The following MTF2 variants were observed in gnomAD, a reference collection of about 807,000 sequenced individuals.
MTF2 encodes the protein metal response element binding transcription factor 2.
Under a neutral mutation model 79.5 loss-of-function variants are expected in MTF2, and 11 were observed. The ratio of observed to expected loss-of-function variants is 0.14; its 90% CI spans 0.09 to 0.23. MTF2 has a LOEUF of 0.23. Among genes scored for constraint, MTF2 ranks in the 10% least tolerant of loss-of-function variants. The pLI is 1.00. For synonymous variants in MTF2, 208 were observed against 232.8 expected (o/e 0.89, Z 0.97); for missense variants, 486 against 711.2 (o/e 0.68, Z 3.60).
At chr1:93,088,769 G>A (rs925352679) in intron 1 of MTF2, among the ~76,000 whole-genome samples, 3 of 152,058 alleles carry the variant, frequency 2.0e-5, no homozygotes, top group Admixed American at 1.3e-4. Flanking sequence ...GTTTCACCAC[G>A]TTGGCCAGGC....
intron 1 of MTF2, among the ~76,000 whole-genome samples, chr1:93,081,755 A>G (rs1654616010): frequency 6.6e-6 from 1 of 152,192 alleles, no homozygotes; most frequent in Non-Finnish European, 1.5e-5. Context: ...GCATGTGGGT[A>G]TTGAACTCTA....
intron 1 of MTF2, 49 bp downstream of exon 1, chr1:93,079,580 TG>T: frequency 6.7e-7 from 1 of 1,492,294 alleles, no homozygotes; most frequent in Non-Finnish European, 8.9e-7. Context: ...AGATGGGGGT[TG>T]GGGGAAGGAG....
intron 1 of MTF2, among the ~76,000 whole-genome samples, chr1:93,109,185 CA>C (rs575382075): frequency 7.0e-4 from 107 of 152,174 alleles, no homozygotes; most frequent in Non-Finnish European, 1.3e-3. Flanking sequence ...AAAGTGAAAC[CA>C]AACACTGCTT....
chr1:93,118,570 A>G, intron 7 of MTF2, 130 bp downstream of exon 7: 1 of 540,600 alleles, frequency 1.8e-6, no homozygotes, highest in African/African-American at 2.0e-5. Context: ...GAGGGAAAAT[A>G]TTAAATAATA....
intron 7 of MTF2, 52 bp from the exon 8 acceptor site, chr1:93,119,281 T>C: frequency 7.7e-7 from 1 of 1,293,940 alleles, no homozygotes. Flanking sequence ...TAATTGTTAG[T>C]TTATCTCTGA....
In MTF2 at chr1:93,129,423, G is replaced by A. The variant is rs771270375; in HGVS notation, c.1135G>A (p.Ala379Thr). Residue 379 changes from alanine to threonine, a missense_variant, in exon 11 of 15, where the codon GCA becomes ACA. By Grantham distance (58) the Ala-to-Thr change is moderately conservative. This residue lies in a region of MTF2 where 209 missense variants were observed against 206.5 expected (regional missense o/e 1.01). Transcript: ENST00000370298. ...SHEFKIKGRKASKPISDSREV... is the reference protein window; with the variant it reads ...SHEFKIKGRKTSKPISDSREV... ...TGAATTTAAAATTAAAGGCAGAAAG[G>A]CATCCAAACCTATATCTGATTCAAG... 4 of 1,561,344 alleles carry A rather than the reference G, an allele frequency of 2.6e-6. No homozygotes were observed. Among genetic ancestry groups the A allele is most frequent in the Non-Finnish European group, 3.5e-6 (4 of 1,145,866 alleles).
chr1:93,110,306 T>G lies in MTF2; in HGVS notation c.82T>G (p.Leu28Val). 1 of 1,614,192 alleles carries G rather than the reference T, an allele frequency of 6.2e-7. No individual in the cohort carries two copies. Among genetic ancestry groups the G allele is most frequent in the East Asian group, 2.2e-5 (1 of 44,878 alleles). ...TCGAAACCAAAAGACCCCAACATCC[T>G]TGACCAAGCTGTCTTTACAGGATGG... ...LRRNQKTPTSLTKLSLQDGHK... is the reference protein window; with the variant it reads ...LRRNQKTPTSVTKLSLQDGHK... Residue 28 changes from leucine (L) to valine (V), a missense_variant, in exon 2 of 15, where the codon TTG becomes GTG. By Grantham distance (32) the Leu-to-Val change is conservative. Coordinates refer to ENST00000370298, the MANE Select transcript of MTF2 (RefSeq NM_007358.4).
At chr1:93,114,072 A>ATAATTT (rs1317284108) in intron 3 of MTF2, among the ~76,000 whole-genome samples, 1 of 152,042 alleles carries the variant, frequency 6.6e-6, no homozygotes, top group Non-Finnish European at 1.5e-5. Context: ...AAAAAAATTA[A>ATAATTT]TAATTTTGGG....
At chr1:93,081,633 A>G (rs1654611795) in intron 1 of MTF2, among the ~76,000 whole-genome samples, 1 of 152,132 alleles carries the variant, frequency 6.6e-6, no homozygotes, top group Admixed American at 6.5e-5. Flanking sequence ...TTGGAATGTA[A>G]AAGTTTCCCT....
intron 9 of MTF2, among the ~76,000 whole-genome samples, chr1:93,123,761 TC>T (rs34840034): frequency 0.097 from 13,257 of 136,616 alleles, 2,052 homozygotes; most frequent in African/African-American, 0.33. Flanking sequence ...GTGTATTGTG[TC>T]CCCCCCCCCT....
intron 3 of MTF2, among the ~76,000 whole-genome samples, chr1:93,111,197 G>A (rs1472318737): frequency 6.6e-6 from 1 of 152,094 alleles, no homozygotes; most frequent in Non-Finnish European, 1.5e-5. Context: ...AACCATGATT[G>A]TTTCATGCTT....
At chr1:93,120,890 A>T (rs1656448509) in intron 9 of MTF2, 3 of 1,239,992 alleles carry the variant, frequency 2.4e-6, no homozygotes, top group South Asian at 2.1e-5. Context: ...TTGTAGAAGG[A>T]GGAGGTATAT....
chr1:93,108,360 G>A (rs1655892798), intron 1 of MTF2, among the ~76,000 whole-genome samples: 1 of 152,082 alleles, frequency 6.6e-6, no homozygotes, highest in Non-Finnish European at 1.5e-5. Context: ...ATTGTAAGAT[G>A]TCTCTGCTAA....
rs554398987 is a variant in MTF2 at position 93,107,537 on chromosome 1, T to C, written c.6-2693T>C. Among the ~76,000 whole-genome samples the C allele has an allele frequency of 8.5e-5, 13 of 152,258 alleles. No homozygotes were observed. In the South Asian group the frequency reaches 2.3e-3, roughly 27 times the overall value. ...CACCGTGCTGGCCAGGTTTTTAATA[T>C]GTGTGATAAAATAGAAATGGCATAA... is the stretch of plus-strand genomic sequence containing the variant. On this transcript the variant is annotated intron_variant, in intron 1 of 14. Transcript: ENST00000370298.
At chr1:93,109,135 A>G (rs555516741) in intron 1 of MTF2, among the ~76,000 whole-genome samples, 1 of 152,112 alleles carries the variant, frequency 6.6e-6, no homozygotes, top group African/African-American at 2.4e-5. Flanking sequence ...CTAGTTTTAC[A>G]TGTCACTGTA....
intron 9 of MTF2, among the ~76,000 whole-genome samples, chr1:93,123,000 TAAAC>T (rs1656542408): frequency 6.6e-6 from 1 of 152,102 alleles, no homozygotes; most frequent in Non-Finnish European, 1.5e-5. Flanking sequence ...AAATTTTTGA[TAAAC>T]TAAAAATGAA....
chr1:93,110,538 A>G lies in MTF2; in HGVS notation c.205-7A>G. ...AGATCACCGTTAAGTATTTCTCTGTATTGCAGATAAACATATTGAAACAGA... is the reference window on the plus strand; with the variant it reads ...AGATCACCGTTAAGTATTTCTCTGTGTTGCAGATAAACATATTGAAACAGA... On this transcript the variant is annotated splice_region_variant and splice_polypyrimidine_tract_variant and intron_variant, in intron 2 of 14. Transcript: ENST00000370298. The G allele has an allele frequency of 6.2e-7, 1 of 1,610,488 alleles. No individual in the cohort carries two copies. Among genetic ancestry groups the G allele is most frequent in the Non-Finnish European group, 8.5e-7 (1 of 1,177,076 alleles).
In MTF2 at chr1:93,133,734, A is replaced by G. The variant is rs1388721246; in HGVS notation, c.1192A>G (p.Lys398Glu). Reference protein sequence around the residue: ...EVSNGIEKKGKKKSVGRPPGP... With the variant: ...EVSNGIEKKGEKKSVGRPPGP... Reference sequence around the variant, plus strand: ...AAGCAATGGCATAGAAAAAAAAGGAAAGAAAAAATCTGTAGGTCGTCCACC... The same window carrying G: ...AAGCAATGGCATAGAAAAAAAAGGAGAGAAAAAATCTGTAGGTCGTCCACC... The change falls in exon 12 of 15, where the codon AAG becomes GAG. Residue 398 changes from lysine to glutamate, a missense_variant. Lys to Glu is a moderately conservative substitution (Grantham distance 56, BLOSUM62 1). Around this residue, in one of 4 missense-constraint regions of MTF2, gnomAD observed 209 missense variants for 206.5 expected, o/e 1.01. Transcript: ENST00000370298. The G allele has an allele frequency of 6.2e-7, 1 of 1,611,984 alleles. No individual in the cohort carries two copies. The highest frequency in any genetic ancestry group is 1.7e-5 in the Admixed American group (1 of 59,878).
chr1:93,110,192 A>G, intron 1 of MTF2, 38 bp from the exon 2 acceptor site: 1 of 1,564,720 alleles, frequency 6.4e-7, no homozygotes, highest in East Asian at 2.2e-5. Context: ...TAAGCTCTAC[A>G]AGTAAGTCTT....
Sources: allele counts gnomAD v4.1 joint callset (sites outside exome capture counted in the v4.1 genomes callset), GRCh38; gene constraint gnomAD v4.1.1; regional missense constraint gnomAD v4.1.1; transcripts MANE v1.5; gene names NCBI Gene and HGNC (gene_info 2026-07-23, HGNC 2026-07-21).